The following COL25A1 variants were observed in gnomAD, a reference collection of about 807,000 sequenced individuals.
The protein encoded by COL25A1 is collagen alpha-1(XXV) chain.
COL25A1 carries 103 observed loss-of-function variants against 128.4 expected under a neutral mutation model. That is an observed-to-expected ratio of 0.80 (90% CI 0.68 to 0.94). The LOEUF (loss-of-function observed/expected upper bound fraction) is 0.94. Ranked by LOEUF, COL25A1 falls within the 40% of genes least tolerant of loss-of-function variation. The pLI is 0.00. For synonymous variants in COL25A1, 279 were observed against 277.2 expected, an observed-to-expected ratio of 1.01 and a Z score of -0.06; for missense variants, 745 against 840.0, an observed-to-expected ratio of 0.89 and a Z score of 1.40.
intron 31 of COL25A1, among the ~76,000 whole-genome samples, chr4:108,833,633 C>T (rs1458450604): frequency 6.6e-6 from 1 of 152,140 alleles, no homozygotes; most frequent in Non-Finnish European, 1.5e-5. Context: ...CTTTAGTATT[C>T]CCATTTCTGT....
intron 3 of COL25A1, among the ~76,000 whole-genome samples, chr4:109,149,984 ATGTG>A (rs1771322359): frequency 6.9e-6 from 1 of 145,090 alleles, no homozygotes; most frequent in South Asian, 2.3e-4. Flanking sequence ...ATGTGTATGT[ATGTG>A]TGTATGTGTG....
At chr4:108,815,029 CA>C (rs1417445664) in intron 37 of COL25A1, among the ~76,000 whole-genome samples, 2 of 152,042 alleles carry the variant, frequency 1.3e-5, no homozygotes, top group Non-Finnish European at 2.9e-5. Flanking sequence ...ATGCCAATGC[CA>C]AAAAATGTGT....
chr4:109,051,116 G>T (rs1760941692), intron 3 of COL25A1, among the ~76,000 whole-genome samples: 2 of 151,902 alleles, frequency 1.3e-5, no homozygotes, highest in South Asian at 2.1e-4. Context: ...AGGAGAAGAA[G>T]GCCAAGGAAA....
At chr4:109,197,479 TTATATATTATATATAA>T (rs1560851107) in intron 3 of COL25A1, among the ~76,000 whole-genome samples, 24 of 117,820 alleles carry the variant, frequency 2.0e-4, no homozygotes, top group Non-Finnish European at 3.9e-4. Context: ...ATAATATATA[TTATATATTATATATAA>T]ATATATATTA....
chr4:109,296,689 T>A (rs923610090), intron 3 of COL25A1, among the ~76,000 whole-genome samples: 8 of 152,094 alleles, frequency 5.3e-5, no homozygotes, highest in African/African-American at 1.9e-4. Context: ...AATAAGTTAA[T>A]GACAAAGCCA....
At chr4:109,116,388 A>G (rs1316986260) in intron 3 of COL25A1, among the ~76,000 whole-genome samples, 1 of 152,058 alleles carries the variant, frequency 6.6e-6, no homozygotes, top group Non-Finnish European at 1.5e-5. Context: ...ATCAACCTGA[A>G]GATTAGGAAA....
At chr4:109,273,351 A>G (rs1782328249) in intron 3 of COL25A1, among the ~76,000 whole-genome samples, 1 of 152,240 alleles carries the variant, frequency 6.6e-6, no homozygotes, top group Admixed American at 6.5e-5. Context: ...AGATGCTAAT[A>G]ATTGAACATT....
At chr4:109,092,026 T>C (rs993384783) in intron 3 of COL25A1, among the ~76,000 whole-genome samples, 5 of 152,208 alleles carry the variant, frequency 3.3e-5, no homozygotes, top group Admixed American at 6.5e-5. Flanking sequence ...AGTAACGTGA[T>C]ACTGAGCTTT....
chr4:109,260,676 AG>A (rs1430728799), intron 3 of COL25A1, among the ~76,000 whole-genome samples: 2 of 152,036 alleles, frequency 1.3e-5, no homozygotes, highest in Admixed American at 1.3e-4. Context: ...TTGTATTTTT[AG>A]TAGAGACGGG....
intron 11 of COL25A1, among the ~76,000 whole-genome samples, chr4:108,929,208 C>T (rs991649241): frequency 2.0e-5 from 3 of 152,150 alleles, no homozygotes; most frequent in Non-Finnish European, 4.4e-5. Flanking sequence ...ACTGCAACCT[C>T]TGCCTCCCAG....
At chr4:109,183,811 T>C (rs1253158423) in intron 3 of COL25A1, among the ~76,000 whole-genome samples, 2 of 151,488 alleles carry the variant, frequency 1.3e-5, no homozygotes, top group Admixed American at 6.6e-5. Context: ...ATATTGATAA[T>C]AGCATCATGA....
rs368143399 is a variant in COL25A1 at position 108,974,420 on chromosome 4, G to A, written c.466-27C>T. 16 of 1,613,526 alleles carry A rather than the reference G, an allele frequency of 9.9e-6. No homozygotes were observed. In the African/African-American group the frequency reaches 1.6e-4, roughly 16 times the overall value. The stretch of plus-strand genomic sequence containing the variant: ...TGTAGAATAGAAAGGTGAGATAACA[G>A]TTTTAGCCAAAATTTATACATGATG... On this transcript the variant is annotated intron_variant, in intron 7 of 37. Transcript: ENST00000399132.
intron 3 of COL25A1, among the ~76,000 whole-genome samples, chr4:109,162,506 T>A (rs1772672538): frequency 6.6e-6 from 1 of 152,194 alleles, no homozygotes; most frequent in South Asian, 2.1e-4. Flanking sequence ...GCAGTGTGAC[T>A]CCCTAAAATC....
chr4:109,285,269 T>C (rs534323574), intron 3 of COL25A1, among the ~76,000 whole-genome samples: 69 of 152,294 alleles, frequency 4.5e-4, no homozygotes, highest in Middle Eastern at 3.4e-3. Flanking sequence ...AAGAATGGTA[T>C]ACAGAATCAA....
At chr4:108,929,270 C>A (rs13117277) in intron 11 of COL25A1, among the ~76,000 whole-genome samples, 72,039 of 151,674 alleles carry the variant, frequency 0.47, 19,776 homozygotes, top group East Asian at 0.93. Context: ...ACTACAGGCA[C>A]CTCCCACCAT....
chr4:108,986,942 A>G (rs1753714640), intron 6 of COL25A1, among the ~76,000 whole-genome samples: 1 of 152,212 alleles, frequency 6.6e-6, no homozygotes, highest in African/African-American at 2.4e-5. Flanking sequence ...AAACAAAACA[A>G]AATAAATGAG....
At position 108,825,183 on chromosome 4, in the gene COL25A1, A is replaced by T. The variant is rs1451550167; in HGVS notation, c.1791+13T>A. 4.4e-6 allele frequency: 7 copies of T among 1,598,410 alleles called. No individual in the cohort carries two copies. The highest frequency in any genetic ancestry group is 6.0e-6 in the Non-Finnish European group (7 of 1,166,130). ...ATTATAATAGGATGATGTTTATTGT[A>T]CTTATTACTTACATCAAGACCAGGC... On this transcript the variant is annotated intron_variant, in intron 34 of 37. Transcript: ENST00000399132.
At chr4:109,071,038 T>A (rs1458464967) in intron 3 of COL25A1, among the ~76,000 whole-genome samples, 2 of 152,108 alleles carry the variant, frequency 1.3e-5, no homozygotes, top group African/African-American at 4.8e-5. Flanking sequence ...GCTACCTGAC[T>A]TCAAACTATA....
chr4:108,877,531 C>T (rs890371094), intron 19 of COL25A1, among the ~76,000 whole-genome samples: 1 of 152,072 alleles, frequency 6.6e-6, no homozygotes, highest in Non-Finnish European at 1.5e-5. Flanking sequence ...AAGATAGATA[C>T]CTTTAAGGTA....
Sources: gnomAD v4.1 joint callset for allele counts (sites outside exome capture counted in the v4.1 genomes callset) on GRCh38, gnomAD v4.1.1 for gene constraint, MANE v1.5 for transcripts, NCBI Gene and HGNC (gene_info 2026-07-23, HGNC 2026-07-21) for gene names.